The following KRABD3 variants were observed in gnomAD, a reference collection of about 807,000 sequenced individuals.
KRABD3 encodes KRAB domain-containing protein 3.
At chr7:149,722,633 G>A in the KRABD3 span, 16 of 1,500,172 alleles carry the variant, frequency 1.1e-5, no homozygotes, top group African/African-American at 9.7e-5. Flanking sequence ...CTGCTCCGCC[G>A]CCTGGGCCTG....
the KRABD3 span, chr7:149,733,884 C>G: frequency 6.3e-7 from 1 of 1,591,382 alleles, no homozygotes; most frequent in Non-Finnish European, 8.5e-7. Context: ...GCCTCTCCTC[C>G]TGCAGCCAGT....
the KRABD3 span, chr7:149,722,489 TC>T: frequency 1.0e-6 from 1 of 969,576 alleles, no homozygotes; most frequent in Non-Finnish European, 1.5e-6. Flanking sequence ...AGCCCAGCCC[TC>T]CCACCCATAG....
the KRABD3 span, chr7:149,729,728 A>C: frequency 2.0e-6 from 2 of 985,324 alleles, no homozygotes; most frequent in South Asian, 4.7e-5. Flanking sequence ...TTGCTGAATA[A>C]ATGCGGTTTT....
At chr7:149,722,456 A>AGGCCCAGGAGCCCTGGGCGGGG in the KRABD3 span, 1 of 1,608,216 alleles carries the variant, frequency 6.2e-7, no homozygotes, top group African/African-American at 1.3e-5. Flanking sequence ...CAAGGAAGGA[A>AGGCCCAGGAGCCCTGGGCGGGG]GGCCCAGGAG....
chr7:149,723,993 A>T, the KRABD3 span: 2 of 1,274,310 alleles, frequency 1.6e-6, no homozygotes, highest in East Asian at 4.7e-5. Context: ...AGGCCCCCAT[A>T]TTGGCCTGTC....
At chr7:149,722,748 T>C in the KRABD3 span, 2 of 1,573,204 alleles carry the variant, frequency 1.3e-6, no homozygotes, top group Non-Finnish European at 1.7e-6. Context: ...CCGTCAGGAC[T>C]GCACTGACCC....
chr7:149,731,088 A>G, the KRABD3 span, among the ~76,000 whole-genome samples: 1 of 152,146 alleles, frequency 6.6e-6, no homozygotes, highest in African/African-American at 2.4e-5. Context: ...CCTGGGAGAA[A>G]AGAGAGTTTA....
chr7:149,733,180 C>G, the KRABD3 span: 4 of 1,564,198 alleles, frequency 2.6e-6, no homozygotes, highest in Admixed American at 5.4e-5. Context: ...ACCAGGAACT[C>G]TGACCGGTCC....
At chr7:149,734,100 C>T in the KRABD3 span, 39 of 1,535,422 alleles carry the variant, frequency 2.5e-5, no homozygotes, top group Non-Finnish European at 3.2e-5. Context: ...GCAGTGGTGG[C>T]GTGGAAGCCC....
the KRABD3 span, chr7:149,733,571 C>A: frequency 6.2e-7 from 1 of 1,600,540 alleles, no homozygotes; most frequent in Non-Finnish European, 8.5e-7. Flanking sequence ...CAGACATCTG[C>A]CCTACTGGAG....
chr7:149,730,027 G>A, the KRABD3 span: 2 of 1,383,488 alleles, frequency 1.4e-6, no homozygotes, highest in South Asian at 1.8e-5. Context: ...GGGTCCACTA[G>A]AACGCATGCT....
chr7:149,728,652 G>A, the KRABD3 span: 1 of 1,613,520 alleles, frequency 6.2e-7, no homozygotes, highest in African/African-American at 1.3e-5. Flanking sequence ...GCAGAGCCCA[G>A]GAACTGGACA....
chr7:149,723,251 G>T, the KRABD3 span, among the ~76,000 whole-genome samples: 3 of 152,226 alleles, frequency 2.0e-5, no homozygotes, highest in African/African-American at 7.2e-5. Context: ...TTGACGCCAG[G>T]CATGATGCAT....
chr7:149,734,006 T>A, the KRABD3 span: 1 of 1,610,914 alleles, frequency 6.2e-7, no homozygotes, highest in South Asian at 1.1e-5. Context: ...GGAAGAACTG[T>A]GGGGTGGGGA....
chr7:149,731,207 G>A, the KRABD3 span, among the ~76,000 whole-genome samples: 2 of 152,228 alleles, frequency 1.3e-5, no homozygotes, highest in African/African-American at 2.4e-5. Flanking sequence ...GAAGAGGCCA[G>A]AAATGGTCAG....
At chr7:149,733,737 G>A in the KRABD3 span, 21 of 1,584,030 alleles carry the variant, frequency 1.3e-5, no homozygotes, top group East Asian at 4.7e-4. Flanking sequence ...GGGCTCCACT[G>A]CAGCTCTTCC....
the KRABD3 span, among the ~76,000 whole-genome samples, chr7:149,732,769 A>G: frequency 2.6e-5 from 4 of 152,034 alleles, no homozygotes; most frequent in Non-Finnish European, 4.4e-5. The surrounding 1 kb of genome is among the most constrained non-coding windows in gnomAD (Gnocchi z 4.0). Flanking sequence ...AAAAATGCGC[A>G]GAAGGCCCTT....
At chr7:149,722,875 A>G in the KRABD3 span, 9 of 1,613,472 alleles carry the variant, frequency 5.6e-6, 1 homozygote, top group East Asian at 6.7e-5. Flanking sequence ...GACATCCCCA[A>G]GCTTCTTGCC....
At chr7:149,717,189 A>T in the KRABD3 span, among the ~76,000 whole-genome samples, 1 of 152,196 alleles carries the variant, frequency 6.6e-6, no homozygotes, top group African/African-American at 2.4e-5. Flanking sequence ...GAGCCATCAG[A>T]ATGTCATGTG....
Sources: allele counts gnomAD v4.1 joint callset (sites outside exome capture counted in the v4.1 genomes callset), GRCh38; gene constraint gnomAD v4.1.1; non-coding constraint Gnocchi (gnomAD v3.1); transcripts MANE v1.5; gene names NCBI Gene and HGNC (gene_info 2026-07-23, HGNC 2026-07-21).